ZNF407: variants seen among roughly 807,000 people sequenced by gnomAD.
The protein encoded by ZNF407 is zinc finger protein 407.
ZNF407 carries 17 observed loss-of-function variants against 131.2 expected under a neutral mutation model. The observed-to-expected ratio is 0.13, with a 90% CI of 0.09 to 0.19. The LOEUF (loss-of-function observed/expected upper bound fraction) is 0.19, where lower values mean the gene tolerates loss of function less well. ZNF407 is among the 10% of genes least tolerant of loss of function. The probability of loss-of-function intolerance (pLI) is 1.00; values close to 1 mark genes in which losing one functional copy is unlikely to be tolerated. For missense variants in ZNF407, 2,681 were observed against 2,830.6 expected (o/e 0.95, Z 1.20); for synonymous variants, 1,156 against 1,062.0 (o/e 1.09, Z -1.72).
At chr18:74,797,515 A>G (rs1969942329) in intron 4 of ZNF407, among the ~76,000 whole-genome samples, 1 of 152,240 alleles carries the variant, frequency 6.6e-6, no homozygotes, top group Non-Finnish European at 1.5e-5. Flanking sequence ...AATGTGACAC[A>G]TCTGGTACAG....
intron 3 of ZNF407, among the ~76,000 whole-genome samples, chr18:74,679,145 G>A (rs1186527995): frequency 6.6e-6 from 1 of 152,180 alleles, no homozygotes; most frequent in Admixed American, 6.5e-5. Context: ...TTAACTGATT[G>A]ACTAAAAATT....
chr18:74,966,070 G>A (rs1433603582), intron 8 of ZNF407, among the ~76,000 whole-genome samples: 2 of 152,252 alleles, frequency 1.3e-5, no homozygotes, highest in African/African-American at 4.8e-5. Context: ...TTAATCCCTT[G>A]TCAGATAGGC....
At position 74,864,365 on chromosome 18, in the gene ZNF407, CAT is replaced by C. The variant is rs1970980995; in HGVS notation, c.4878-12831_4878-12830del. Among the ~76,000 whole-genome samples the C allele has an allele frequency of 3.3e-5, 5 of 152,272 alleles. 1 individual carries two copies. The South Asian group carries it at 6.2e-4, about 19-fold the overall frequency. On this transcript the variant is annotated intron_variant, in intron 4 of 8. Coordinates refer to ENST00000299687, the MANE Select transcript of ZNF407 (RefSeq NM_017757.3). Reference sequence around the variant, plus strand: ...AGATAATTTATTCTAACTCGACTGACATGTAGAAATTAAGGCTGAAAAAACAA... The same window carrying C: ...AGATAATTTATTCTAACTCGACTGACGTAGAAATTAAGGCTGAAAAAACAA...
At chr18:74,885,251 G>T (rs1409891399) in intron 6 of ZNF407, among the ~76,000 whole-genome samples, 1 of 152,080 alleles carries the variant, frequency 6.6e-6, no homozygotes, top group Admixed American at 6.5e-5. Context: ...GCATCTGTTT[G>T]TCAATTGTTT....
intron 7 of ZNF407, among the ~76,000 whole-genome samples, chr18:74,907,200 A>G (rs1427992918): frequency 1.3e-5 from 2 of 152,200 alleles, no homozygotes; most frequent in Admixed American, 1.3e-4. Context: ...TTGAATGCCC[A>G]GATAGTACAC....
At chr18:74,638,076 C>G (rs146625265) in intron 2 of ZNF407, among the ~76,000 whole-genome samples, 1 of 152,138 alleles carries the variant, frequency 6.6e-6, no homozygotes, top group Non-Finnish European at 1.5e-5. Context: ...TTGTTAAGTA[C>G]CAGATTGTCT....
chr18:74,670,919 G>A (rs1986115007), intron 3 of ZNF407, among the ~76,000 whole-genome samples: 1 of 152,206 alleles, frequency 6.6e-6, no homozygotes. Flanking sequence ...TTTCATTTCT[G>A]CTTCCCAGCT....
chr18:74,985,370 TATTAA>T (rs1432688374), intron 8 of ZNF407, among the ~76,000 whole-genome samples: 1 of 152,234 alleles, frequency 6.6e-6, no homozygotes, highest in Non-Finnish European at 1.5e-5. Context: ...TCCTATATCA[TATTAA>T]TTCAACTTCT....
intron 5 of ZNF407, among the ~76,000 whole-genome samples, chr18:74,880,280 A>G (rs1352795117): frequency 6.6e-6 from 1 of 151,786 alleles, no homozygotes; most frequent in Non-Finnish European, 1.5e-5. Context: ...GCTTAAAAAA[A>G]TGAGCATTTG....
intron 7 of ZNF407, chr18:74,906,013 C>T (rs1971590473): frequency 6.5e-6 from 1 of 152,936 alleles, no homozygotes; most frequent in Non-Finnish European, 1.5e-5. Flanking sequence ...ATCTAGTTTA[C>T]TTAAATTCTC....
intron 8 of ZNF407, among the ~76,000 whole-genome samples, chr18:75,028,873 C>T (rs571284540): frequency 3.9e-5 from 6 of 152,278 alleles, no homozygotes; most frequent in East Asian, 3.9e-4. Context: ...TCTGCATCTG[C>T]GAACATGGAT....
rs145643661 is a variant in ZNF407 at position 74,934,335 on chromosome 18, A to T, written c.5428+13643A>T. ...CATTGAGAGAGTACTTTTATTGGGG[A>T]ACTATGTTTTAGGATTTTCTCCACA... On this transcript the variant is annotated intron_variant, in intron 8 of 8. Transcript: ENST00000299687. 9.5e-3 allele frequency among the ~76,000 whole-genome samples: 1,440 copies of T among 152,116 alleles called. 21 individuals are homozygous for T. The highest frequency in any genetic ancestry group is 0.032 in the African/African-American group (1,321 of 41,476).
At chr18:74,673,397 T>C (rs1014837112) in intron 3 of ZNF407, among the ~76,000 whole-genome samples, 1 of 152,222 alleles carries the variant, frequency 6.6e-6, no homozygotes, top group Admixed American at 6.5e-5. Context: ...GCTCATTGGC[T>C]AGGGTCCCCT....
intron 3 of ZNF407, 110 bp from the exon 4 acceptor site, chr18:74,781,318 C>A (rs180708809): frequency 5.0e-5 from 38 of 762,766 alleles, no homozygotes; most frequent in Non-Finnish European, 7.5e-5. Context: ...CACTGTAATA[C>A]GCTTTTTATG....
chr18:74,843,049 C>A (rs1970655991), intron 4 of ZNF407, among the ~76,000 whole-genome samples: 1 of 152,108 alleles, frequency 6.6e-6, no homozygotes, highest in Non-Finnish European at 1.5e-5. Context: ...TTTTCATGGG[C>A]TCTATAGATA....
chr18:74,924,101 G>A (rs1175157614), intron 8 of ZNF407, among the ~76,000 whole-genome samples: 2 of 152,092 alleles, frequency 1.3e-5, no homozygotes, highest in African/African-American at 4.8e-5. Context: ...TCACCAAGGA[G>A]TACGTTTTAT....
chr18:74,711,896 A>G (rs9676130), intron 3 of ZNF407, among the ~76,000 whole-genome samples: 102,101 of 151,860 alleles, frequency 0.67, 35,732 homozygotes, highest in East Asian at 0.85. Flanking sequence ...TTTTTAGTGG[A>G]GAGGGATTTC....
At chr18:75,012,118 A>T (rs943812880) in intron 8 of ZNF407, among the ~76,000 whole-genome samples, 2 of 152,170 alleles carry the variant, frequency 1.3e-5, no homozygotes, top group African/African-American at 4.8e-5. Context: ...GTTTGACATG[A>T]CAGTTGAGCT....
chr18:74,915,671 A>G (rs867796597), intron 7 of ZNF407, among the ~76,000 whole-genome samples: 57 of 46,864 alleles, frequency 1.2e-3, no homozygotes, highest in South Asian at 2.5e-3. Context: ...GTGAGGTTGT[A>G]TGCAGCATTG....
Sources: gnomAD v4.1 joint callset for allele counts (sites outside exome capture counted in the v4.1 genomes callset) on GRCh38, gnomAD v4.1.1 for gene constraint, MANE v1.5 for transcripts, NCBI Gene and HGNC (gene_info 2026-07-23, HGNC 2026-07-21) for gene names.